AP3B2: variants seen among roughly 807,000 people sequenced by gnomAD.
The protein encoded by AP3B2 is AP-3 complex subunit beta-2.
AP3B2 carries 50 observed loss-of-function variants against 126.9 expected under a neutral mutation model. That is an observed-to-expected ratio of 0.39 (90% CI 0.31 to 0.50). AP3B2 has a LOEUF of 0.50. AP3B2 is among the 20% of genes least tolerant of loss of function. The pLI is 0.79. For missense variants in AP3B2, 1,177 were observed against 1,426.4 expected (o/e 0.83, Z 2.82); for synonymous variants, 541 against 565.0 (o/e 0.96, Z 0.60).
chr15:82,682,047 C>CTTTTTTTTTTTTTTTTTT (rs769028602), intron 4 of AP3B2, among the ~76,000 whole-genome samples: 1 of 79,944 alleles, frequency 1.3e-5, no homozygotes, highest in African/African-American at 5.5e-5. Flanking sequence ...TAGGCCCTTC[C>CTTTTTTTTTTTTTTTTTT]TTTTTTTTTT....
At chr15:82,692,045 G>A in intron 1 of AP3B2, 9 of 1,483,006 alleles carry the variant, frequency 6.1e-6, no homozygotes, top group South Asian at 1.2e-5. Context: ...CCTGAAACAA[G>A]AACTCGGAAA....
chr15:82,672,878 T>C (rs1334498915), intron 14 of AP3B2, among the ~76,000 whole-genome samples: 1 of 152,202 alleles, frequency 6.6e-6, no homozygotes, highest in East Asian at 1.9e-4. Context: ...AAGGACGGCC[T>C]CTAGAAGGCA....
At chr15:82,660,376 T>G (rs953684907) in intron 25 of AP3B2, among the ~76,000 whole-genome samples, 1 of 152,052 alleles carries the variant, frequency 6.6e-6, no homozygotes, top group African/African-American at 2.4e-5. Flanking sequence ...CCCACTCAGC[T>G]CCTGGAAGCT....
At position 82,659,466 on chromosome 15, in the gene AP3B2, T is replaced by G. The variant is rs562790793; in HGVS notation, c.*94A>C. 129 of 1,505,172 alleles carry G rather than the reference T, an allele frequency of 8.6e-5. No individual in the cohort carries two copies. Among genetic ancestry groups the G allele is most frequent in the Middle Eastern group, 1.7e-4 (1 of 5,784 alleles). The allele number at this position is 1,505,172 out of a possible 1,614,324, so 93.2% of individuals were successfully genotyped here. On this transcript the variant is annotated 3_prime_UTR_variant, in exon 27 of 27. Coordinates refer to ENST00000535359, the MANE Select transcript of AP3B2 (RefSeq NM_001278512.2). ...TGAATGCTATCTGGCATGAGGAGGA[T>G]GATGAGAGAGAGAGAGAAAGATGAG...
chr15:82,662,016 A>C, intron 24 of AP3B2, 94 bp from the exon 25 acceptor site: 1 of 1,363,504 alleles, frequency 7.3e-7, no homozygotes. Flanking sequence ...GAGGCAGTGA[A>C]AGAGTGAGGT....
intron 1 of AP3B2, chr15:82,698,056 C>G (rs191248432): frequency 6.7e-4 from 103 of 152,612 alleles, no homozygotes; most frequent in African/African-American, 2.4e-3. Flanking sequence ...ATCCTTCATA[C>G]GCACACCCCA....
At chr15:82,691,809 G>A in intron 1 of AP3B2, 2 of 1,446,210 alleles carry the variant, frequency 1.4e-6, no homozygotes, top group African/African-American at 1.4e-5. Context: ...AACCGAGACT[G>A]TGAGTAGCCA....
chr15:82,697,566 A>G (rs1016434993), intron 1 of AP3B2, among the ~76,000 whole-genome samples: 130 of 152,302 alleles, frequency 8.5e-4, no homozygotes, highest in African/African-American at 2.9e-3. Context: ...GGCTGCAGAA[A>G]TGCGTGAGTA....
rs773955767 is a variant in AP3B2, at chr15:82,659,878, C to T, written c.3122G>A (p.Gly1041Asp). The change falls in exon 26 of 27, where the codon GGT becomes GAT. Residue 1041 changes from glycine to aspartate, a missense_variant. Physicochemically the swap from Gly to Asp is moderately conservative, Grantham distance 94 (BLOSUM62 -1). Coordinates refer to ENST00000535359, the MANE Select transcript of AP3B2 (RefSeq NM_001278512.2). ...ATCAGATGTCCCACAAGGAACACGA[C>T]CCAGGTTGGCAGTGGCAGTCACTTT... ...VQKVTATANL[G>D]RVPCGTSDEY... The T allele has an allele frequency of 1.9e-6, 3 of 1,614,002 alleles. No individual in the cohort carries two copies. Among genetic ancestry groups the T allele is most frequent in the East Asian group, 4.5e-5 (2 of 44,882 alleles).
intron 13 of AP3B2, among the ~76,000 whole-genome samples, chr15:82,676,885 TAA>T: frequency 6.6e-6 from 1 of 152,366 alleles, no homozygotes; most frequent in African/African-American, 2.4e-5. Flanking sequence ...AGTCATGATG[TAA>T]AAGATTGATT....
At chr15:82,704,867 G>A (rs2048773659) in intron 1 of AP3B2, among the ~76,000 whole-genome samples, 1 of 152,200 alleles carries the variant, frequency 6.6e-6, no homozygotes. Context: ...TCAAAGGCCT[G>A]TTTCCTTTGC....
At position 82,659,476 on chromosome 15, in the gene AP3B2, G is replaced by T; in HGVS notation, c.*84C>A. 1.3e-6 allele frequency: 2 copies of T among 1,539,634 alleles called. No individual in the cohort carries two copies. Among genetic ancestry groups the T allele is most frequent in the Non-Finnish European group, 8.9e-7 (1 of 1,129,056 alleles). ...CTGGCATGAGGAGGATGATGAGAGA[G>T]AGAGAGAAAGATGAGAGAGACTGAC... On this transcript the variant is annotated 3_prime_UTR_variant, in exon 27 of 27. Transcript: ENST00000535359.
intron 1 of AP3B2, among the ~76,000 whole-genome samples, chr15:82,705,045 T>A (rs904845635): frequency 5.3e-5 from 8 of 152,124 alleles, no homozygotes; most frequent in African/African-American, 1.9e-4. Flanking sequence ...CTTCCCTGAC[T>A]ATTCCTAGGC....
intron 1 of AP3B2, among the ~76,000 whole-genome samples, chr15:82,691,354 G>A (rs921990378): frequency 1.3e-5 from 2 of 152,152 alleles, no homozygotes; most frequent in African/African-American, 4.8e-5. Flanking sequence ...TTTCTCTGAT[G>A]GCCAGTGATG....
At position 82,692,242 on chromosome 15, in the gene AP3B2, C is replaced by T. The variant is rs188385141; in HGVS notation, c.114-2789G>A. 3.6e-4 allele frequency: 348 copies of T among 980,172 alleles called. 1 individual carries two copies. In the African/African-American group the frequency reaches 5.3e-3, roughly 15 times the overall value. The allele number at this position is 980,172 out of a possible 1,614,324, so 60.7% of individuals were successfully genotyped here. On this transcript the variant is annotated intron_variant, in intron 1 of 26. Coordinates refer to ENST00000535359, the MANE Select transcript of AP3B2 (RefSeq NM_001278512.2). The stretch of plus-strand genomic sequence containing the variant: ...AAGGCGAAGGGCACAAGGCAGTGCC[C>T]ATTCTTAAGCTTGATCTTGCGGATC...
chr15:82,667,980 G>A (rs2048087498), intron 14 of AP3B2, among the ~76,000 whole-genome samples: 2 of 152,162 alleles, frequency 1.3e-5, no homozygotes, highest in African/African-American at 2.4e-5. Context: ...AAGGGCATCA[G>A]GGGCCGGCAG....
chr15:82,662,577 A>C (rs953475499), intron 23 of AP3B2, 117 bp downstream of exon 23: 7 of 946,646 alleles, frequency 7.4e-6, no homozygotes, highest in Admixed American at 4.7e-5. Flanking sequence ...GTTAGATGCT[A>C]TCTCTGTGCC....
Position 82,681,506 on chromosome 15 carries a change from G to T in AP3B2, c.435C>A (p.Ile145=). The T allele has an allele frequency of 6.2e-7, 1 of 1,613,984 alleles. No individual in the cohort carries two copies. Among genetic ancestry groups the T allele is most frequent in the South Asian group, 1.1e-5 (1 of 91,080 alleles). Residue 145 remains isoleucine, a synonymous_variant, in exon 5 of 27, where the codon ATC becomes ATA. Coordinates refer to ENST00000535359, the MANE Select transcript of AP3B2 (RefSeq NM_001278512.2). The surrounding 1 kb of genome is among the most constrained non-coding windows in gnomAD (Gnocchi z 4.0). ...CGGCTTCCTTGATAGCTAGCATCAT[G>T]ATGGGCACTATGATGGGCACACGGA... ...SSIRVPIIVP[I]MMLAIKEAAS...
chr15:82,667,048 G>T, intron 14 of AP3B2, 115 bp from the exon 15 acceptor site: 3 of 1,081,446 alleles, frequency 2.8e-6, no homozygotes, highest in South Asian at 3.2e-5. Context: ...CCCTGCTTAG[G>T]ACCGGCGCTT....
Sources: gnomAD v4.1 joint callset for allele counts (sites outside exome capture counted in the v4.1 genomes callset) on GRCh38, gnomAD v4.1.1 for gene constraint, Gnocchi (gnomAD v3.1) non-coding constraint, MANE v1.5 for transcripts, NCBI Gene and HGNC (gene_info 2026-07-23, HGNC 2026-07-21) for gene names.